The following CFAP47 variants were observed in gnomAD, a reference collection of about 807,000 sequenced individuals.
The protein encoded by CFAP47 is cilia- and flagella-associated protein 47.
Under a neutral mutation model 148.1 loss-of-function variants are expected in CFAP47, and 29 were observed. The ratio of observed to expected loss-of-function variants is 0.20; its 90% CI spans 0.15 to 0.27. The LOEUF (loss-of-function observed/expected upper bound fraction) is 0.27, where lower values mean the gene tolerates loss of function less well. Ranked by LOEUF, CFAP47 falls within the 10% of genes least tolerant of loss-of-function variation. The pLI is 1.00. For missense variants in CFAP47, 1,872 were observed against 1,697.5 expected (o/e 1.10, Z -1.81); for synonymous variants, 664 against 577.3 (o/e 1.15, Z -2.15).
chrX:36,197,930 A>C lies in CFAP47; in HGVS notation c.6322-2449A>C, dbSNP rs184634376. On this transcript the variant is annotated intron_variant, in intron 42 of 63. Transcript: ENST00000378653. ...CAAAGCTATAAATAATAGACCTCAC[A>C]GTGAGAAATTTTTCATTCTTATATT... Among the ~76,000 whole-genome samples the C allele has an allele frequency of 5.0e-3, 554 of 111,741 alleles. 1 individual carries two copies. The highest frequency in any genetic ancestry group is 0.017 in the African/African-American group (524 of 30,857).
chrX:36,318,947 T>C (rs73629599), intron 56 of CFAP47, among the ~76,000 whole-genome samples: 2,254 of 111,672 alleles, frequency 0.02, 55 homozygotes, highest in African/African-American at 0.07. Context: ...TAGCTGGAAT[T>C]TTAGGCACAT....
intron 45 of CFAP47, among the ~76,000 whole-genome samples, chrX:36,221,379 G>A (rs1940211916): frequency 9.0e-6 from 1 of 111,437 alleles, no homozygotes; most frequent in Non-Finnish European, 1.9e-5. Flanking sequence ...GCAATGAAAA[G>A]TATAGGGATA....
intron 57 of CFAP47, among the ~76,000 whole-genome samples, chrX:36,341,037 CTT>C (rs11450233): frequency 0.045 from 4,023 of 89,509 alleles, 237 homozygotes; most frequent in African/African-American, 0.16. Context: ...CTTTTCTTTT[CTT>C]TTTTTTTTTT....
At chrX:36,015,041 A>T in intron 22 of CFAP47, 129 bp downstream of exon 22, 2 of 253,091 alleles carry the variant, frequency 7.9e-6, no homozygotes. Context: ...AAATTTTAAG[A>T]GGATTCCTTT....
chrX:36,144,492 G>C (rs1442033750), intron 35 of CFAP47: 1 of 931,668 alleles, frequency 1.1e-6, no homozygotes, highest in Non-Finnish European at 1.4e-6. Context: ...CTTATTTGAT[G>C]GTTAATATTA....
chrX:35,940,435 C>T (rs914809454), intron 2 of CFAP47, among the ~76,000 whole-genome samples: 7 of 111,190 alleles, frequency 6.3e-5, no homozygotes, highest in African/African-American at 2.0e-4. Flanking sequence ...TTAGGTCTAA[C>T]GTTTAACTAT....
chrX:36,106,877 CTGTT>C (rs1426589549), intron 33 of CFAP47, among the ~76,000 whole-genome samples: 2 of 111,490 alleles, frequency 1.8e-5, no homozygotes, highest in African/African-American at 6.5e-5. Context: ...TGAAACTACT[CTGTT>C]TGATACTATA....
intron 60 of CFAP47, among the ~76,000 whole-genome samples, chrX:36,357,066 G>A (rs1941791635): frequency 8.9e-6 from 1 of 111,862 alleles, no homozygotes; most frequent in African/African-American, 3.3e-5. Context: ...ACACATGAGC[G>A]AGTAGAAGAA....
chrX:36,148,936 TG>T (rs1489933018), intron 36 of CFAP47, among the ~76,000 whole-genome samples, 171 bp from the exon 37 acceptor site: 1 of 110,605 alleles, frequency 9.0e-6, no homozygotes, highest in Non-Finnish European at 1.9e-5. Context: ...TGTGTGTGTG[TG>T]TAGTTGTTAT....
chrX:36,251,543 A>G, intron 49 of CFAP47, 99 bp downstream of exon 49: 1 of 367,325 alleles, frequency 2.7e-6, no homozygotes, highest in Non-Finnish European at 4.7e-6. Context: ...TCCACTTTCT[A>G]TTAAATGACT....
chrX:36,093,769 C>T (rs1467491430), intron 30 of CFAP47, among the ~76,000 whole-genome samples: 4 of 110,969 alleles, frequency 3.6e-5, no homozygotes, highest in Admixed American at 9.6e-5. Context: ...GTTGTTTGAG[C>T]GCCTTATATA....
At chrX:36,263,974 C>T (rs1450614920) in intron 49 of CFAP47, among the ~76,000 whole-genome samples, 3 of 111,221 alleles carry the variant, frequency 2.7e-5, no homozygotes, top group African/African-American at 9.8e-5. Context: ...TCAGTTAGCA[C>T]GTGATGAATG....
At chrX:35,927,881 C>A (rs935938630) in intron 2 of CFAP47, among the ~76,000 whole-genome samples, 2 of 109,789 alleles carry the variant, frequency 1.8e-5, no homozygotes, top group African/African-American at 6.6e-5. Context: ...CACTATGTAG[C>A]CTTCTGTTTT....
chrX:36,164,593 G>A (rs1037630687), intron 39 of CFAP47, among the ~76,000 whole-genome samples: 8 of 110,833 alleles, frequency 7.2e-5, no homozygotes, highest in Non-Finnish European at 1.3e-4. Context: ...GTCAGATTTG[G>A]GGGTTTTGTT....
intron 51 of CFAP47, among the ~76,000 whole-genome samples, chrX:36,287,121 A>G (rs890628791): frequency 8.9e-6 from 1 of 111,739 alleles, no homozygotes; most frequent in Admixed American, 9.5e-5. Flanking sequence ...AACCAAAACC[A>G]AAACCAAAAA....
intron 37 of CFAP47, among the ~76,000 whole-genome samples, chrX:36,153,763 C>T (rs1325441071): frequency 1.8e-5 from 2 of 112,145 alleles, no homozygotes; most frequent in African/African-American, 6.5e-5. Flanking sequence ...GGGCAGCTAC[C>T]ACATTCCAAG....
At chrX:36,332,205 G>A (rs782714240) in intron 57 of CFAP47, among the ~76,000 whole-genome samples, 1 of 111,020 alleles carries the variant, frequency 9.0e-6, no homozygotes, top group African/African-American at 3.3e-5. Context: ...AAAATATATT[G>A]GATAAGAAGA....
At chrX:36,381,530 C>T (rs1942077735) in intron 63 of CFAP47, among the ~76,000 whole-genome samples, 1 of 111,482 alleles carries the variant, frequency 9.0e-6, no homozygotes, top group African/African-American at 3.3e-5. Flanking sequence ...CCTCAATAAT[C>T]TTGTTCACAA....
At chrX:36,276,439 G>A (rs1941018576) in intron 49 of CFAP47, among the ~76,000 whole-genome samples, 2 of 111,395 alleles carry the variant, frequency 1.8e-5, no homozygotes, top group Middle Eastern at 4.6e-3. Flanking sequence ...TTTTTGGAGG[G>A]GAGTATAAGT....
Sources: gnomAD v4.1 joint callset for allele counts (sites outside exome capture counted in the v4.1 genomes callset) on GRCh38, gnomAD v4.1.1 for gene constraint, MANE v1.5 for transcripts, NCBI Gene and HGNC (gene_info 2026-07-23, HGNC 2026-07-21) for gene names.